The following CDH23 variants were observed in gnomAD, a reference collection of about 807,000 sequenced individuals.
CDH23 encodes the protein cadherin-23.
CDH23 carries 189 observed loss-of-function variants against 317.1 expected under a neutral mutation model. That is an observed-to-expected ratio of 0.60 (90% CI 0.53 to 0.67). The LOEUF is 0.67. Among genes scored for constraint, CDH23 ranks in the 30% least tolerant of loss-of-function variants. The pLI is 0.00. For missense variants in CDH23, 4,401 were observed against 4,592.4 expected (o/e 0.96, Z 1.20); for synonymous variants, 1,839 against 1,876.8 (o/e 0.98, Z 0.52).
intron 6 of CDH23, among the ~76,000 whole-genome samples, chr10:71,537,672 A>C (rs1855774581): frequency 6.6e-6 from 1 of 152,146 alleles, no homozygotes; most frequent in Admixed American, 6.5e-5. Flanking sequence ...AGTCCATCCC[A>C]AAAAAACCCC....
At chr10:71,700,766 C>G (rs1865551305) in intron 22 of CDH23, among the ~76,000 whole-genome samples, 1 of 152,166 alleles carries the variant, frequency 6.6e-6, no homozygotes, top group Non-Finnish European at 1.5e-5. Context: ...TTCAGCCCTC[C>G]ATCAGCCTCT....
chr10:71,583,655 C>T (rs981767249), intron 9 of CDH23, among the ~76,000 whole-genome samples: 6 of 152,118 alleles, frequency 3.9e-5, no homozygotes, highest in African/African-American at 1.4e-4. Context: ...TCTCTTCTTG[C>T]CGCCCACATC....
chr10:71,687,740 GT>G, intron 19 of CDH23, 21 bp downstream of exon 19: 1 of 1,611,368 alleles, frequency 6.2e-7, no homozygotes, highest in Non-Finnish European at 8.5e-7. Context: ...AGGTCGGGGG[GT>G]GGGGGGCACA....
rs537580850 is a variant in CDH23 at position 71,678,489 on chromosome 10, A to T, written c.1752+796A>T. 3.3e-5 allele frequency among the ~76,000 whole-genome samples: 5 copies of T among 152,256 alleles called. No homozygotes were observed. In the South Asian group the frequency reaches 1.0e-3, roughly 32 times the overall value. ...TTCCCCATGCTGCCTACCCCAAGGG[A>T]TGGGACCCAGAGCCTCCATTTGGAA... On this transcript the variant is annotated intron_variant, in intron 16 of 69. Coordinates refer to ENST00000224721, the MANE Select transcript of CDH23 (RefSeq NM_022124.6).
At position 71,777,766 on chromosome 10, in the gene CDH23, T is replaced by C; in HGVS notation, c.4932T>C (p.Asp1644=). 1.2e-6 allele frequency: 2 copies of C among 1,613,772 alleles called. No individual in the cohort carries two copies. The highest frequency in any genetic ancestry group is 2.2e-5 in the South Asian group (2 of 91,062). The change falls in exon 39 of 70, where the codon GAT becomes GAC. Residue 1644 remains aspartate, a synonymous_variant. Coordinates refer to ENST00000224721, the MANE Select transcript of CDH23 (RefSeq NM_022124.6). ...AGCCCCACTATGAGGTGCTGCTGGA[T>C]GAGGGCCCAGACACGCTCAACACCA... is the stretch of plus-strand genomic sequence containing the variant. ...FQQPHYEVLL[D]EGPDTLNTSL... is the part of the protein sequence containing the mutation.
At chr10:71,669,513 T>C (rs1864054620) in intron 14 of CDH23, among the ~76,000 whole-genome samples, 1 of 151,404 alleles carries the variant, frequency 6.6e-6, no homozygotes, top group Non-Finnish European at 1.5e-5. Flanking sequence ...AGTGGCGCCA[T>C]CTCTGCTCAC....
chr10:71,703,842 C>G (rs187242091), intron 24 of CDH23, among the ~76,000 whole-genome samples: 11 of 152,338 alleles, frequency 7.2e-5, no homozygotes, highest in African/African-American at 2.6e-4. Flanking sequence ...GCAAGTCAAC[C>G]CCCAAACCCT....
intron 3 of CDH23, among the ~76,000 whole-genome samples, chr10:71,467,501 A>T (rs1011314704): frequency 3.9e-5 from 6 of 152,126 alleles, no homozygotes; most frequent in Non-Finnish European, 7.4e-5. Flanking sequence ...CAAATCCTTT[A>T]ACGCACCCCC....
intron 16 of CDH23, among the ~76,000 whole-genome samples, chr10:71,678,537 A>T (rs1589323752): frequency 6.6e-6 from 1 of 152,152 alleles, no homozygotes; most frequent in African/African-American, 2.4e-5. Flanking sequence ...GCAGGTAGGG[A>T]TGAAGGCAAG....
chr10:71,611,462 G>C (rs1860886808), intron 9 of CDH23, among the ~76,000 whole-genome samples: 1 of 152,194 alleles, frequency 6.6e-6, no homozygotes, highest in Non-Finnish European at 1.5e-5. Context: ...CAGGCTGCTG[G>C]GGTGGTGGGG....
At position 71,534,411 on chromosome 10, in the gene CDH23, C is replaced by T. The variant is rs143263540; in HGVS notation, c.429+23199C>T. On this transcript the variant is annotated intron_variant, in intron 6 of 69. Transcript: ENST00000224721. ...ATCACTGCGGAGAAAAACTTCCCATCGCTGCGGAATCCCCACAGCCCCATC... is the reference window on the plus strand; with the variant it reads ...ATCACTGCGGAGAAAAACTTCCCATTGCTGCGGAATCCCCACAGCCCCATC... 4.8e-3 allele frequency among the ~76,000 whole-genome samples: 726 copies of T among 152,290 alleles called. 8 individuals carry two copies. Among genetic ancestry groups the T allele is most frequent in the African/African-American group, 0.015 (620 of 41,540 alleles).
At chr10:71,692,441 C>T (rs1376675435) in intron 20 of CDH23, among the ~76,000 whole-genome samples, 3 of 152,220 alleles carry the variant, frequency 2.0e-5, no homozygotes, top group Admixed American at 6.5e-5. Flanking sequence ...CAGAGGTGGC[C>T]TTAATTGGAT....
rs533089076 is a variant in CDH23, at chr10:71,707,292, G to T, written c.3106+243G>T. The T allele has an allele frequency of 1.7e-5, 25 of 1,433,290 alleles. No individual in the cohort carries two copies. In the East Asian group the frequency reaches 6.3e-4, roughly 36 times the overall value. 88.8% of individuals were successfully genotyped at this position (1,433,290 alleles called of 1,614,324 possible). On this transcript the variant is annotated intron_variant, in intron 26 of 69. Coordinates refer to ENST00000224721, the MANE Select transcript of CDH23 (RefSeq NM_022124.6). ...ACCTCCTGAACCTGTTGGTTGCAGG[G>T]ACGGGGAGCATCTACCAAGGTTCAT... is the stretch of plus-strand genomic sequence containing the variant.
At chr10:71,430,645 T>TA (rs1304525024) in intron 1 of CDH23, among the ~76,000 whole-genome samples, 1 of 152,066 alleles carries the variant, frequency 6.6e-6, no homozygotes, top group South Asian at 2.1e-4. Flanking sequence ...CCGTCTCTAC[T>TA]AAAAATACAA....
In CDH23 at chr10:71,815,606, A is replaced by G; in HGVS notation, c.*328A>G. 4.2e-6 allele frequency: 1 copy of G among 236,072 alleles called. No homozygotes were observed. Among genetic ancestry groups the G allele is most frequent in the Non-Finnish European group, 8.2e-6 (1 of 121,228 alleles). The allele number at this position is 236,072 out of a possible 1,614,324, so 14.6% of individuals were successfully genotyped here. A position where few individuals can be genotyped will look rare whatever the true frequency, so the allele number is the denominator to read the frequency against. On this transcript the variant is annotated 3_prime_UTR_variant, in exon 70 of 70. Coordinates refer to ENST00000224721, the MANE Select transcript of CDH23 (RefSeq NM_022124.6). Reference sequence around the variant, plus strand: ...GGCTCAGGCTGAGCTGAAAGAGGCCAAACAGGCCCTCCTCCCTCCCAGCTC... The same window carrying G: ...GGCTCAGGCTGAGCTGAAAGAGGCCGAACAGGCCCTCCTCCCTCCCAGCTC...
intron 9 of CDH23, among the ~76,000 whole-genome samples, chr10:71,597,950 G>A (rs1859968321): frequency 6.6e-6 from 1 of 152,188 alleles, no homozygotes; most frequent in Non-Finnish European, 1.5e-5. Flanking sequence ...GGGCAACTGG[G>A]AAGGGAGGGG....
At chr10:71,404,518 G>A (rs999360442) in intron 1 of CDH23, among the ~76,000 whole-genome samples, 7 of 152,250 alleles carry the variant, frequency 4.6e-5, no homozygotes, top group Admixed American at 2.0e-4. Flanking sequence ...TCAGAGACCA[G>A]CTAGTCTTAC....
chr10:71,639,447 T>G (rs1862430045), intron 11 of CDH23, among the ~76,000 whole-genome samples: 1 of 152,170 alleles, frequency 6.6e-6, no homozygotes. Context: ...CTGAGGTGCT[T>G]GTGGGCCTCC....
intron 19 of CDH23, among the ~76,000 whole-genome samples, chr10:71,689,530 A>T (rs1398416418): frequency 6.6e-6 from 1 of 152,154 alleles, no homozygotes; most frequent in African/African-American, 2.4e-5. Context: ...CCTGAGGGTC[A>T]TATTTGAGGC....
Sources: allele counts gnomAD v4.1 joint callset (sites outside exome capture counted in the v4.1 genomes callset), GRCh38; gene constraint gnomAD v4.1.1; transcripts MANE v1.5; gene names NCBI Gene and HGNC (gene_info 2026-07-23, HGNC 2026-07-21).